Variants in ENTREP2 observed in about 807,000 individuals in gnomAD.
ENTREP2 encodes the protein endosomal transmembrane epsin interactor 2.
the ENTREP2 span, among the ~76,000 whole-genome samples, chr15:29,455,354 A>T: frequency 6.6e-6 from 1 of 151,922 alleles, no homozygotes; most frequent in Non-Finnish European, 1.5e-5. Flanking sequence ...AACCCAAATC[A>T]CCCACTGAGT....
At chr15:29,671,300 C>G in the ENTREP2 span, among the ~76,000 whole-genome samples, 2 of 152,168 alleles carry the variant, frequency 1.3e-5, no homozygotes, top group Non-Finnish European at 2.9e-5. Context: ...TAAGTGTTTT[C>G]TTGGTTTCTA....
the ENTREP2 span, among the ~76,000 whole-genome samples, chr15:29,139,644 G>C: frequency 6.6e-6 from 1 of 152,210 alleles, no homozygotes; most frequent in Non-Finnish European, 1.5e-5. Flanking sequence ...GCAGGTGCAA[G>C]TGAGCAGAGG....
At chr15:29,668,237 G>C in the ENTREP2 span, among the ~76,000 whole-genome samples, 1 of 152,198 alleles carries the variant, frequency 6.6e-6, no homozygotes, top group African/African-American at 2.4e-5. Flanking sequence ...GGCCTCCACT[G>C]CATTGTCTGC....
At chr15:29,471,483 C>T in the ENTREP2 span, among the ~76,000 whole-genome samples, 17 of 152,246 alleles carry the variant, frequency 1.1e-4, no homozygotes, top group Non-Finnish European at 2.1e-4. Context: ...AGAGAGACCC[C>T]GGGAGGCGCC....
At chr15:29,349,698 G>T in the ENTREP2 span, among the ~76,000 whole-genome samples, 3 of 152,096 alleles carry the variant, frequency 2.0e-5, no homozygotes, top group African/African-American at 7.2e-5. Context: ...AGGAGTTCGA[G>T]ACCAGCCTGG....
At chr15:29,444,529 T>C in the ENTREP2 span, among the ~76,000 whole-genome samples, 14 of 151,652 alleles carry the variant, frequency 9.2e-5, no homozygotes, top group African/African-American at 3.4e-4. Context: ...TGCAGTGGCT[T>C]GATCTCAGCT....
chr15:29,310,657 G>A, the ENTREP2 span, among the ~76,000 whole-genome samples: 1 of 152,190 alleles, frequency 6.6e-6, no homozygotes, highest in Non-Finnish European at 1.5e-5. Flanking sequence ...AGCACAAGGA[G>A]AGTGGGTACA....
the ENTREP2 span, among the ~76,000 whole-genome samples, chr15:29,405,894 C>T: frequency 6.6e-6 from 1 of 152,232 alleles, no homozygotes; most frequent in Non-Finnish European, 1.5e-5. Flanking sequence ...AGTGTGCTGA[C>T]TTTTCCCCTT....
At chr15:29,178,293 T>TAAAAA in the ENTREP2 span, among the ~76,000 whole-genome samples, 1 of 111,368 alleles carries the variant, frequency 9.0e-6, no homozygotes, top group Non-Finnish European at 1.9e-5. Context: ...GAACCTGTCT[T>TAAAAA]AAAAAAAAAA....
At chr15:29,369,336 T>G in the ENTREP2 span, among the ~76,000 whole-genome samples, 4 of 151,864 alleles carry the variant, frequency 2.6e-5, no homozygotes, top group African/African-American at 7.3e-5. Flanking sequence ...AGGCAAAAGA[T>G]CAGTGACTTA....
the ENTREP2 span, among the ~76,000 whole-genome samples, chr15:29,657,057 T>C: frequency 1.3e-5 from 2 of 152,184 alleles, no homozygotes; most frequent in East Asian, 3.9e-4. Context: ...TTACAGCTCT[T>C]TTCTTTTTGA....
At chr15:29,399,510 A>T in the ENTREP2 span, among the ~76,000 whole-genome samples, 1 of 152,250 alleles carries the variant, frequency 6.6e-6, no homozygotes, top group Admixed American at 6.5e-5. Flanking sequence ...GATTCAGAAG[A>T]ATAAGAAACC....
the ENTREP2 span, among the ~76,000 whole-genome samples, chr15:29,561,967 A>G: frequency 2.0e-5 from 3 of 152,234 alleles, no homozygotes; most frequent in African/African-American, 4.8e-5. Context: ...AATATCGCCA[A>G]TGGTGAGAAG....
the ENTREP2 span, among the ~76,000 whole-genome samples, chr15:29,470,498 C>T: frequency 6.6e-6 from 1 of 152,356 alleles, no homozygotes; most frequent in African/African-American, 2.4e-5. Flanking sequence ...GGCAAATACT[C>T]GTCACTCGGA....
chr15:29,290,608 CTCT>C, the ENTREP2 span, among the ~76,000 whole-genome samples: 2 of 152,210 alleles, frequency 1.3e-5, no homozygotes, highest in African/African-American at 4.8e-5. Flanking sequence ...GGAGCCAGAG[CTCT>C]TCTAACACAC....
the ENTREP2 span, among the ~76,000 whole-genome samples, chr15:29,407,144 G>A: frequency 6.6e-5 from 10 of 152,158 alleles, no homozygotes; most frequent in Non-Finnish European, 1.3e-4. Flanking sequence ...AGATGGCGAA[G>A]CCCACTACAT....
At chr15:29,505,282 C>T in the ENTREP2 span, among the ~76,000 whole-genome samples, 1 of 152,246 alleles carries the variant, frequency 6.6e-6, no homozygotes, top group Non-Finnish European at 1.5e-5. The surrounding 1 kb of genome is among the most constrained non-coding windows in gnomAD (Gnocchi z 4.3). Context: ...AAACTCCCAT[C>T]TCCCTTGGAC....
chr15:29,583,455 A>C, the ENTREP2 span, among the ~76,000 whole-genome samples: 1 of 152,142 alleles, frequency 6.6e-6, no homozygotes, highest in South Asian at 2.1e-4. Context: ...ACATGGACAC[A>C]GGGAGGGCAC....
chr15:29,187,113 C>T, the ENTREP2 span, among the ~76,000 whole-genome samples: 1 of 152,138 alleles, frequency 6.6e-6, no homozygotes, highest in Non-Finnish European at 1.5e-5. Context: ...ATCACCCATA[C>T]ACACTGAAAA....
Sources: allele counts gnomAD v4.1 joint callset (sites outside exome capture counted in the v4.1 genomes callset), GRCh38; gene constraint gnomAD v4.1.1; non-coding constraint Gnocchi (gnomAD v3.1); transcripts MANE v1.5; gene names NCBI Gene and HGNC (gene_info 2026-07-23, HGNC 2026-07-21).